PLN: variants seen among roughly 807,000 people sequenced by gnomAD.
The protein encoded by PLN is phospholamban, also known as cardiac phospholamban.
A neutral mutation model predicts 3.9 loss-of-function variants in PLN; 1 was observed. The observed-to-expected ratio is 0.26, with a 90% CI of 0.09 to 1.23. The LOEUF is 1.23. Ranked by LOEUF, PLN falls within the 50% of genes most tolerant of loss-of-function variation. The pLI is 0.48. For synonymous variants in PLN, 21 were observed against 20.5 expected (o/e 1.02, Z -0.07); for missense variants, 59 against 62.7 (o/e 0.94, Z 0.20).
chr6:118,558,731 G>C (rs1356124499), intron 1 of PLN, 94 bp from the exon 2 acceptor site: 1 of 621,402 alleles, frequency 1.6e-6, no homozygotes, highest in East Asian at 2.8e-5. Flanking sequence ...TAACAATAGT[G>C]CTGAGGAAGA....
At chr6:118,551,076 C>A (rs1281592801) in intron 1 of PLN, among the ~76,000 whole-genome samples, 1 of 151,802 alleles carries the variant, frequency 6.6e-6, no homozygotes, top group African/African-American at 2.4e-5. Flanking sequence ...TCATCTGATA[C>A]CTAAAATCCA....
rs202119750 is a variant in PLN at position 118,553,154 on chromosome 6, C to CTATTT, written c.-98+4764_-98+4768dup. Among the ~76,000 whole-genome samples, 56 of 150,276 alleles carry CTATTT rather than the reference C, an allele frequency of 3.7e-4. No homozygotes were observed. The East Asian group carries it at 0.011, about 28-fold the overall frequency. On this transcript the variant is annotated intron_variant, in intron 1 of 1. Transcript: ENST00000357525. ...CAGATAACATGAAAATAAAACTAAA[C>CTATTT]TATTTTTGTATGCTTTCCATCGAAA...
intron 1 of PLN, among the ~76,000 whole-genome samples, chr6:118,558,203 G>A (rs1778990832): frequency 6.6e-6 from 1 of 152,074 alleles, no homozygotes; most frequent in Non-Finnish European, 1.5e-5. Context: ...TGCCCGCCTT[G>A]GCCTCCCAAA....
chr6:118,552,890 C>G (rs1778634936), intron 1 of PLN, among the ~76,000 whole-genome samples: 1 of 152,066 alleles, frequency 6.6e-6, no homozygotes, highest in Non-Finnish European at 1.5e-5. Context: ...AAACTCCTAA[C>G]AAGCACCTTT....
chr6:118,561,342 C>T lies in PLN; in HGVS notation c.*2262C>T, dbSNP rs1207674292. ...ATTCCTTTGATTACACTGTTTGTTA[C>T]AATATTTTTCTCAGTAAACAGAAAT... On this transcript the variant is annotated 3_prime_UTR_variant, in exon 2 of 2. Coordinates refer to ENST00000357525, the MANE Select transcript of PLN (RefSeq NM_002667.5). 3.9e-5 allele frequency among the ~76,000 whole-genome samples: 6 copies of T among 152,088 alleles called. No individual in the cohort carries two copies. Among genetic ancestry groups the T allele is most frequent in the Non-Finnish European group, 8.8e-5 (6 of 67,980 alleles).
In PLN at chr6:118,560,151, T is replaced by C. The variant is rs1194555886; in HGVS notation, c.*1071T>C. 1 of 167,066 alleles carries C rather than the reference T, an allele frequency of 6.0e-6. No individual in the cohort carries two copies. The highest frequency in any genetic ancestry group is 1.5e-5 in the Non-Finnish European group (1 of 68,110). 10.3% of individuals were successfully genotyped at this position (167,066 alleles called of 1,614,324 possible). On this transcript the variant is annotated 3_prime_UTR_variant, in exon 2 of 2. Coordinates refer to ENST00000357525, the MANE Select transcript of PLN (RefSeq NM_002667.5). ...ATTAGATTATATTTTGAAATGAACT[T>C]GTTGGCCCATCTATTACATCTACAG...
Position 118,559,141 on chromosome 6 carries a change from T to G in PLN, c.*61T>G. On this transcript the variant is annotated 3_prime_UTR_variant, in exon 2 of 2. Transcript: ENST00000357525. ...CATCAGCTTAAAATCTGTCATCCCA[T>G]GCAGACAGGAAAACAATATTGTATA... 2.4e-6 allele frequency: 3 copies of G among 1,231,046 alleles called. No individual in the cohort carries two copies. The highest frequency in any genetic ancestry group is 4.6e-5 in the East Asian group (2 of 43,110). The allele number at this position is 1,231,046 out of a possible 1,614,324, so 76.3% of individuals were successfully genotyped here. A position where few individuals can be genotyped will look rare whatever the true frequency, so the allele number is the denominator to read the frequency against.
chr6:118,559,212 G>A lies in PLN; in HGVS notation c.*132G>A. On this transcript the variant is annotated 3_prime_UTR_variant, in exon 2 of 2. Coordinates refer to ENST00000357525, the MANE Select transcript of PLN (RefSeq NM_002667.5). Reference sequence around the variant, plus strand: ...AAGAGTTTCTTTGTGAAAAGGTCAAGATTAAGACTAAAACTTATTGTTACC... The same window carrying A: ...AAGAGTTTCTTTGTGAAAAGGTCAAAATTAAGACTAAAACTTATTGTTACC... 1 of 785,164 alleles carries A rather than the reference G, an allele frequency of 1.3e-6. No homozygotes were observed. The highest frequency in any genetic ancestry group is 2.3e-6 in the Non-Finnish European group (1 of 428,996). The allele number at this position is 785,164 out of a possible 1,614,324, so 48.6% of individuals were successfully genotyped here. A position where few individuals can be genotyped will look rare whatever the true frequency, so the allele number is the denominator to read the frequency against.
At chr6:118,558,442 T>G (rs1217194523) in intron 1 of PLN, among the ~76,000 whole-genome samples, 1 of 152,104 alleles carries the variant, frequency 6.6e-6, no homozygotes, top group African/African-American at 2.4e-5. Context: ...ATATGTTGTT[T>G]TGCGTAAAGT....
At chr6:118,551,145 C>T (rs1410362544) in intron 1 of PLN, among the ~76,000 whole-genome samples, 2 of 151,784 alleles carry the variant, frequency 1.3e-5, no homozygotes, top group African/African-American at 2.4e-5. Flanking sequence ...ATTCTAGGTT[C>T]CCTAGAATCA....
At chr6:118,549,703 C>T (rs907882438) in intron 1 of PLN, among the ~76,000 whole-genome samples, 1 of 151,720 alleles carries the variant, frequency 6.6e-6, no homozygotes, top group African/African-American at 2.4e-5. Context: ...GTGTAGGTGT[C>T]TTATGTTATT....
chr6:118,551,427 C>T (rs565904760), intron 1 of PLN, among the ~76,000 whole-genome samples: 2 of 152,034 alleles, frequency 1.3e-5, no homozygotes, highest in South Asian at 2.1e-4. Context: ...AATACTACCT[C>T]CCCATATTCT....
chr6:118,549,652 A>G (rs1778422197), intron 1 of PLN, among the ~76,000 whole-genome samples: 2 of 151,916 alleles, frequency 1.3e-5, no homozygotes, highest in South Asian at 4.1e-4. Context: ...CCATATCTCT[A>G]TACTCATATT....
chr6:118,552,646 C>T (rs1177462913), intron 1 of PLN, among the ~76,000 whole-genome samples: 4 of 151,724 alleles, frequency 2.6e-5, no homozygotes, highest in South Asian at 2.1e-4. Context: ...AACCAGAATA[C>T]CATCTTGAAC....
intron 1 of PLN, among the ~76,000 whole-genome samples, chr6:118,556,019 T>C (rs1449408528): frequency 6.6e-6 from 1 of 152,234 alleles, no homozygotes; most frequent in Admixed American, 6.5e-5. Flanking sequence ...GCATGGTGTA[T>C]ATGTACCACA....
intron 1 of PLN, 136 bp from the exon 2 acceptor site, chr6:118,558,683 AGAGAGG>A (rs1779044529): frequency 1.1e-5 from 6 of 530,624 alleles, no homozygotes; most frequent in Admixed American, 3.1e-5. Context: ...AGAGAGAGAG[AGAGAGG>A]GAGAGAGACT....
intron 1 of PLN, among the ~76,000 whole-genome samples, 169 bp from the exon 2 acceptor site, chr6:118,558,656 C>CAGAGAG (rs1413401167): frequency 7.5e-6 from 1 of 133,860 alleles, no homozygotes; most frequent in Admixed American, 7.2e-5. Flanking sequence ...CACACACACA[C>CAGAGAG]ACACAGAGAG....
Position 118,559,286 on chromosome 6 carries a change from T to G in PLN, c.*206T>G. On this transcript the variant is annotated 3_prime_UTR_variant, in exon 2 of 2. Coordinates refer to ENST00000357525, the MANE Select transcript of PLN (RefSeq NM_002667.5). ...TGTAAACATGAAAAGGGCTTTATTT[T>G]CAAAAATTAACTTCAAAATAAGTGT... 1 of 576,066 alleles carries G rather than the reference T, an allele frequency of 1.7e-6. No individual in the cohort carries two copies. The highest frequency in any genetic ancestry group is 3.2e-6 in the Non-Finnish European group (1 of 313,106). The allele number at this position is 576,066 out of a possible 1,614,324, so 35.7% of individuals were successfully genotyped here.
Position 118,559,413 on chromosome 6 carries a change from G to A in PLN, c.*333G>A. 2.9e-6 allele frequency: 1 copy of A among 341,364 alleles called. No homozygotes were observed. The highest frequency in any genetic ancestry group is 7.6e-5 in the East Asian group (1 of 13,154). 21.1% of individuals were successfully genotyped at this position (341,364 alleles called of 1,614,324 possible). A position where few individuals can be genotyped will look rare whatever the true frequency, so the allele number is the denominator to read the frequency against. On this transcript the variant is annotated 3_prime_UTR_variant, in exon 2 of 2. Coordinates refer to ENST00000357525, the MANE Select transcript of PLN (RefSeq NM_002667.5). ...AGTTTTAAAACTGCACTGCCAACAA[G>A]TTCACTTCATATATAAAGCATTATT...
Sources: gnomAD v4.1 joint callset for allele counts (sites outside exome capture counted in the v4.1 genomes callset) on GRCh38, gnomAD v4.1.1 for gene constraint, MANE v1.5 for transcripts, NCBI Gene and HGNC (gene_info 2026-07-23, HGNC 2026-07-21) for gene names.